The following CERS3 variants were observed in gnomAD, a reference collection of about 807,000 sequenced individuals.
CERS3 encodes ceramide synthase 3, also known as LAG1 homolog, ceramide synthase 3.
Under a neutral mutation model 50.3 loss-of-function variants are expected in CERS3, and 33 were observed. The ratio of observed to expected loss-of-function variants is 0.66; its 90% CI spans 0.50 to 0.88. The LOEUF (loss-of-function observed/expected upper bound fraction) is 0.88, where lower values mean the gene tolerates loss of function less well. Ranked by LOEUF, CERS3 falls within the 40% of genes least tolerant of loss-of-function variation. The pLI is 0.00. For missense variants in CERS3, 470 were observed against 460.3 expected, an observed-to-expected ratio of 1.02 and a Z score of -0.19; for synonymous variants, 176 against 155.2, an observed-to-expected ratio of 1.13 and a Z score of -0.99.
chr15:100,436,320 C>A (rs1224798283), intron 11 of CERS3, among the ~76,000 whole-genome samples: 1 of 152,118 alleles, frequency 6.6e-6, no homozygotes, highest in Non-Finnish European at 1.5e-5. Flanking sequence ...ATGTCCTTTG[C>A]AGGAACGTGG....
chr15:100,475,639 G>A (rs1272319434), intron 8 of CERS3, among the ~76,000 whole-genome samples: 2 of 152,160 alleles, frequency 1.3e-5, no homozygotes, highest in East Asian at 3.9e-4. Context: ...AATAATGCCC[G>A]AAGCAAGGTT....
chr15:100,430,753 G>A (rs2033085742), intron 11 of CERS3, among the ~76,000 whole-genome samples: 1 of 152,144 alleles, frequency 6.6e-6, no homozygotes, highest in Admixed American at 6.5e-5. Context: ...TGAACTACTA[G>A]CAAAGTACAT....
chr15:100,515,062 C>A (rs1567676318), intron 2 of CERS3, among the ~76,000 whole-genome samples: 1 of 152,200 alleles, frequency 6.6e-6, no homozygotes, highest in South Asian at 2.1e-4. Context: ...TTTTCCAATA[C>A]ACACCTAGCT....
intron 5 of CERS3, among the ~76,000 whole-genome samples, chr15:100,482,066 C>A (rs1267504876): frequency 6.6e-6 from 1 of 152,168 alleles, no homozygotes; most frequent in Non-Finnish European, 1.5e-5. Flanking sequence ...CACACAAATG[C>A]TCTTTGGCAT....
At chr15:100,542,421 C>T (rs954643919) in intron 1 of CERS3, among the ~76,000 whole-genome samples, 1 of 152,170 alleles carries the variant, frequency 6.6e-6, no homozygotes, top group Non-Finnish European at 1.5e-5. Context: ...TCATGGCTTC[C>T]ATAATCGGCA....
intron 11 of CERS3, among the ~76,000 whole-genome samples, chr15:100,444,591 G>A (rs1185064040): frequency 3.3e-5 from 5 of 152,090 alleles, no homozygotes; most frequent in Non-Finnish European, 7.4e-5. Flanking sequence ...CCTTTCCATC[G>A]TGGAAATCTA....
At chr15:100,407,277 C>T (rs1443892146) in intron 11 of CERS3, among the ~76,000 whole-genome samples, 3 of 152,212 alleles carry the variant, frequency 2.0e-5, no homozygotes, top group African/African-American at 7.2e-5. Context: ...AGGGCGCCAC[C>T]CCATCTGCTC....
In CERS3 at chr15:100,473,111, G is replaced by T. The variant is rs1013208365; in HGVS notation, c.610-59C>A. ...AAATGCATTTATTTCCCAATCACTG[G>T]AAGAGATAATCATAATAATAATGAG... On this transcript the variant is annotated intron_variant, in intron 8 of 11. Transcript: ENST00000679737. 4.4e-5 allele frequency: 67 copies of T among 1,523,886 alleles called. 1 individual carries two copies. In the African/African-American group the frequency reaches 8.8e-4, roughly 20 times the overall value. The allele number at this position is 1,523,886 out of a possible 1,614,324, so 94.4% of individuals were successfully genotyped here.
At chr15:100,490,952 A>T (rs1169299610) in intron 3 of CERS3, 21 bp from the exon 4 acceptor site, 1 of 1,400,228 alleles carries the variant, frequency 7.1e-7, no homozygotes, top group South Asian at 1.2e-5. Context: ...ATGAAAAGAA[A>T]AAAAGTTCAA....
intron 7 of CERS3, among the ~76,000 whole-genome samples, chr15:100,477,043 A>G (rs778048134): frequency 2.0e-4 from 31 of 152,184 alleles, no homozygotes; most frequent in Non-Finnish European, 3.4e-4. Context: ...CGGCCTCCCA[A>G]TTGTCTGAAA....
At chr15:100,437,146 C>T (rs1358365297) in intron 11 of CERS3, among the ~76,000 whole-genome samples, 2 of 151,920 alleles carry the variant, frequency 1.3e-5, no homozygotes, top group Non-Finnish European at 2.9e-5. Context: ...AGTGTTTCAC[C>T]GTGTTAGCCA....
intron 11 of CERS3, among the ~76,000 whole-genome samples, chr15:100,431,624 T>A (rs1423091062): frequency 6.6e-6 from 1 of 152,214 alleles, no homozygotes; most frequent in African/African-American, 2.4e-5. Flanking sequence ...AGTGGCACCA[T>A]GGACATTTTT....
At chr15:100,450,480 C>T (rs942201945) in intron 11 of CERS3, among the ~76,000 whole-genome samples, 19 of 144,490 alleles carry the variant, frequency 1.3e-4, no homozygotes, top group African/African-American at 4.9e-4. Flanking sequence ...AACTTGAAGA[C>T]AGGTCTTTTG....
rs113700256 is a variant in CERS3, at chr15:100,472,337, C to T, written c.738+587G>A. 4.5e-3 allele frequency among the ~76,000 whole-genome samples: 692 copies of T among 152,224 alleles called. 3 individuals are homozygous for T. The highest frequency in any genetic ancestry group is 0.015 in the African/African-American group (609 of 41,544). Reference sequence around the variant, plus strand: ...AAACAGGTCCGGAAAACAATCCCAACGTGGCTTTGTTTCTTCTATTTTGTG... The same window carrying T: ...AAACAGGTCCGGAAAACAATCCCAATGTGGCTTTGTTTCTTCTATTTTGTG... On this transcript the variant is annotated intron_variant, in intron 9 of 11. Coordinates refer to ENST00000679737, the MANE Select transcript of CERS3 (RefSeq NM_001378789.1).
At chr15:100,440,048 T>A (rs2033611032) in intron 11 of CERS3, among the ~76,000 whole-genome samples, 1 of 152,226 alleles carries the variant, frequency 6.6e-6, no homozygotes, top group African/African-American at 2.4e-5. Flanking sequence ...TTTTCAAGCC[T>A]GTAATTATTG....
At chr15:100,446,744 C>T (rs974304687) in intron 11 of CERS3, among the ~76,000 whole-genome samples, 2 of 152,020 alleles carry the variant, frequency 1.3e-5, no homozygotes, top group African/African-American at 4.8e-5. Flanking sequence ...AAATTCTAAA[C>T]CCCCAACTGC....
chr15:100,482,617 A>C (rs1349173442), intron 5 of CERS3, among the ~76,000 whole-genome samples: 1 of 151,942 alleles, frequency 6.6e-6, no homozygotes, highest in Non-Finnish European at 1.5e-5. Flanking sequence ...TTTTTAAAAA[A>C]AAGGGCCCAT....
intron 4 of CERS3, among the ~76,000 whole-genome samples, chr15:100,485,377 C>G (rs1764363676): frequency 6.6e-6 from 1 of 152,166 alleles, no homozygotes; most frequent in African/African-American, 2.4e-5. Context: ...AATGATAGAT[C>G]TGCTCAAATG....
Position 100,414,384 on chromosome 15 carries a change from CA to C in CERS3, c.1000-11520del, listed in dbSNP as rs1463065871. Among the ~76,000 whole-genome samples, 7 of 152,224 alleles carry C rather than the reference CA, an allele frequency of 4.6e-5. No individual in the cohort carries two copies. The East Asian group carries it at 1.3e-3, about 29-fold the overall frequency. On this transcript the variant is annotated intron_variant, in intron 11 of 11. Transcript: ENST00000679737. ...TAATTTACAGATTCAATGCTATTCCCATTAAACTACCATTGACATTCTTCAC... is the reference window on the plus strand; with the variant it reads ...TAATTTACAGATTCAATGCTATTCCCTTAAACTACCATTGACATTCTTCAC...
Sources: allele counts gnomAD v4.1 joint callset (sites outside exome capture counted in the v4.1 genomes callset), GRCh38; gene constraint gnomAD v4.1.1; transcripts MANE v1.5; gene names NCBI Gene and HGNC (gene_info 2026-07-23, HGNC 2026-07-21).